DNAH5: variants seen among roughly 807,000 people sequenced by gnomAD.
The protein encoded by DNAH5 is axonemal beta dynein heavy chain 5.
DNAH5 carries 372 observed loss-of-function variants against 518.2 expected under a neutral mutation model. The ratio of observed to expected loss-of-function variants is 0.72; its 90% CI spans 0.66 to 0.78. The LOEUF (loss-of-function observed/expected upper bound fraction) is 0.78. Among genes scored for constraint, DNAH5 ranks in the 30% least tolerant of loss-of-function variants. The pLI, the probability that DNAH5 is intolerant of heterozygous loss-of-function variation, is 0.00. For synonymous variants in DNAH5, 2,039 were observed against 2,025.9 expected (o/e 1.01, Z -0.17); for missense variants, 5,523 against 5,687.0 (o/e 0.97, Z 0.93).
chr5:13,786,145 C>G (rs757483657), intron 52 of DNAH5, 34 bp downstream of exon 52: 14 of 1,610,546 alleles, frequency 8.7e-6, no homozygotes, highest in Non-Finnish European at 1.2e-5. Context: ...TGTCTGTCAC[C>G]TCCACAAGGC....
At chr5:13,988,941 C>T (rs550480494) in intron 1 of DNAH5, among the ~76,000 whole-genome samples, 3 of 135,998 alleles carry the variant, frequency 2.2e-5, no homozygotes, top group Non-Finnish European at 3.3e-5. Flanking sequence ...TTGGCCAGGC[C>T]TGGTCTCAAA....
rs1024362636 is a variant in DNAH5, at chr5:13,769,449, T to A, written c.9720+52A>T. The A allele has an allele frequency of 7.0e-6, 10 of 1,423,158 alleles. No homozygotes were observed. The African/African-American group carries it at 1.3e-4, about 18-fold the overall frequency. 88.2% of individuals were successfully genotyped at this position (1,423,158 alleles called of 1,614,324 possible). A position where few individuals can be genotyped will look rare whatever the true frequency, so the allele number is the denominator to read the frequency against. On this transcript the variant is annotated intron_variant, in intron 57 of 78. Coordinates refer to ENST00000265104, the MANE Select transcript of DNAH5 (RefSeq NM_001369.3). ...TGAATATGCATAGATCATTAACACT[T>A]GTGAACTGAGAATTCAAAAGGAATG...
intron 12 of DNAH5, among the ~76,000 whole-genome samples, chr5:13,909,659 ATAG>A (rs1775748628): frequency 6.6e-6 from 1 of 152,110 alleles, no homozygotes; most frequent in Non-Finnish European, 1.5e-5. Context: ...ACTTTTTCAT[ATAG>A]TATCAGAGTA....
chr5:13,834,299 A>G (rs527900236), intron 35 of DNAH5, among the ~76,000 whole-genome samples: 2 of 152,334 alleles, frequency 1.3e-5, no homozygotes, highest in South Asian at 2.1e-4. Flanking sequence ...ACTGTAAACT[A>G]TGATACCTAT....
intron 49 of DNAH5, among the ~76,000 whole-genome samples, chr5:13,792,889 T>C (rs185684768): frequency 2.6e-5 from 4 of 152,342 alleles, no homozygotes; most frequent in Non-Finnish European, 4.4e-5. Context: ...ATACTTAACA[T>C]AAATGTGTTC....
At chr5:13,939,347 A>C (rs948522166) in intron 1 of DNAH5, among the ~76,000 whole-genome samples, 3 of 152,212 alleles carry the variant, frequency 2.0e-5, no homozygotes, top group Non-Finnish European at 4.4e-5. Flanking sequence ...CTGGAACATA[A>C]GTGACTACAC....
At chr5:13,709,485 G>T (rs779213208) in intron 75 of DNAH5, among the ~76,000 whole-genome samples, 29 of 152,044 alleles carry the variant, frequency 1.9e-4, no homozygotes, top group Non-Finnish European at 4.0e-4. Flanking sequence ...TACTATCAGG[G>T]TAACTCTTTC....
At chr5:13,758,346 T>G (rs1487595309) in intron 61 of DNAH5, among the ~76,000 whole-genome samples, 1 of 151,998 alleles carries the variant, frequency 6.6e-6, no homozygotes, top group Non-Finnish European at 1.5e-5. Context: ...CTACAAAAAA[T>G]TAGCCAGGCA....
chr5:13,841,245 T>A (rs535390936), intron 33 of DNAH5, 115 bp from the exon 34 acceptor site: 1 of 818,598 alleles, frequency 1.2e-6, no homozygotes, highest in Admixed American at 2.3e-5. Context: ...CATGATTACA[T>A]CAACTTTGAT....
chr5:13,978,073 C>T lies in DNAH5; in HGVS notation c.12+33575G>A, dbSNP rs78600248. On this transcript the variant is annotated intron_variant, in intron 1 of 78. Coordinates refer to the DNAH5 transcript ENST00000681290. ...CTTTGAGGCCCAAGGGGCCAAGCAT[C>T]GTCCCTATGGAGGGGAGAATATGGA... is the stretch of plus-strand genomic sequence containing the variant. Among the ~76,000 whole-genome samples the T allele has an allele frequency of 2.3e-3, 354 of 152,302 alleles. 1 individual carries two copies. The highest frequency in any genetic ancestry group is 8.2e-3 in the African/African-American group (340 of 41,568).
At position 13,870,964 on chromosome 5, in the gene DNAH5, A is replaced by G. The variant is rs954389387; in HGVS notation, c.3637T>C (p.Trp1213Arg). ...KFALTAETKA[W>R]MVVIGRHCNK... ...CAGTGGCGTCCAATGACAACCATCC[A>G]GGCCTTTGTCTCAGCAGTCAGGGCG... Residue 1213 changes from tryptophan (W) to arginine (R), a missense_variant, in exon 24 of 79, where the codon TGG (tryptophan) becomes CGG (arginine). Around this residue, in one of 3 missense-constraint regions of DNAH5, gnomAD observed 5,121 missense variants for 5,223.3 expected, o/e 0.98. Coordinates refer to ENST00000265104, the MANE Select transcript of DNAH5 (RefSeq NM_001369.3). 8.7e-6 allele frequency: 14 copies of G among 1,613,626 alleles called. No individual in the cohort carries two copies. In the South Asian group the frequency reaches 1.5e-4, roughly 18 times the overall value.
chr5:13,751,842 G>C (rs1750278885), intron 64 of DNAH5, among the ~76,000 whole-genome samples: 2 of 152,102 alleles, frequency 1.3e-5, no homozygotes, highest in Admixed American at 6.6e-5. Context: ...GGTTTTATCA[G>C]CTTGCCCAGA....
At chr5:13,942,445 C>G (rs973272449) in intron 1 of DNAH5, among the ~76,000 whole-genome samples, 1 of 152,166 alleles carries the variant, frequency 6.6e-6, no homozygotes, top group Non-Finnish European at 1.5e-5. Context: ...GCTATCTTAT[C>G]AGTTGACAAA....
At chr5:13,799,045 C>T (rs530886252) in intron 47 of DNAH5, among the ~76,000 whole-genome samples, 3 of 152,166 alleles carry the variant, frequency 2.0e-5, no homozygotes, top group Admixed American at 2.0e-4. Flanking sequence ...GGATTACAGG[C>T]ATGAGCCACT....
In DNAH5 at chr5:13,771,140, A is replaced by G. The variant is rs1995390; in HGVS notation, c.9374-160T>C. Reference sequence around the variant, plus strand: ...TGTCAGCATTTTTGGCCCCAGGCCTATAACATCAACAATTTTATTTTCTGT... The same window carrying G: ...TGTCAGCATTTTTGGCCCCAGGCCTGTAACATCAACAATTTTATTTTCTGT... On this transcript the variant is annotated intron_variant, in intron 55 of 78. Coordinates refer to ENST00000265104, the MANE Select transcript of DNAH5 (RefSeq NM_001369.3). The G allele has an allele frequency of 0.34, 210,159 of 625,858 alleles. 36,366 individuals carry two copies. Among genetic ancestry groups the G allele is most frequent in the Middle Eastern group, 0.38 (889 of 2,322 alleles). 38.8% of individuals were successfully genotyped at this position (625,858 alleles called of 1,614,324 possible).
intron 1 of DNAH5, among the ~76,000 whole-genome samples, chr5:13,959,202 C>T (rs1371120933): frequency 6.6e-6 from 1 of 152,252 alleles, no homozygotes; most frequent in Non-Finnish European, 1.5e-5. Context: ...CCGCCTCAGC[C>T]TCCCAAAATG....
At position 13,814,510 on chromosome 5, in the gene DNAH5, C is replaced by G. The variant is rs866655127; in HGVS notation, c.7230+95G>C. 12 of 1,235,378 alleles carry G rather than the reference C, an allele frequency of 9.7e-6. No homozygotes were observed. The African/African-American group carries it at 1.8e-4, about 18-fold the overall frequency. 76.5% of individuals were successfully genotyped at this position (1,235,378 alleles called of 1,614,324 possible). ...AAACATTAGCATAAAAATGCAGTTA[C>G]ACTGCCATCTGCAGAAAAATTGGCA... is the stretch of plus-strand genomic sequence containing the variant. On this transcript the variant is annotated intron_variant, in intron 43 of 78. Coordinates refer to ENST00000265104, the MANE Select transcript of DNAH5 (RefSeq NM_001369.3).
At chr5:13,752,015 A>C (rs1750303313) in intron 64 of DNAH5, 119 bp downstream of exon 64, 1 of 1,101,994 alleles carries the variant, frequency 9.1e-7, no homozygotes, top group African/African-American at 1.5e-5. Flanking sequence ...AGAGAAAAAC[A>C]AACCTTTCCC....
At chr5:13,976,689 GTATATA>G (rs1216182959) in intron 1 of DNAH5, among the ~76,000 whole-genome samples, 1 of 138,018 alleles carries the variant, frequency 7.2e-6, no homozygotes, top group African/African-American at 2.8e-5. Context: ...GTGTGTGTGT[GTATATA>G]TATATATATA....
Sources: allele counts gnomAD v4.1 joint callset (sites outside exome capture counted in the v4.1 genomes callset), GRCh38; gene constraint gnomAD v4.1.1; regional missense constraint gnomAD v4.1.1; transcripts MANE v1.5; gene names NCBI Gene and HGNC (gene_info 2026-07-23, HGNC 2026-07-21).